TTBK2: variants seen among roughly 807,000 people sequenced by gnomAD.
The protein encoded by TTBK2 is tau-tubulin kinase 2.
In TTBK2, 28 loss-of-function variants were observed where a neutral mutation model predicts 110.8. That is an observed-to-expected ratio of 0.25 (90% confidence interval 0.19 to 0.35). The LOEUF (loss-of-function observed/expected upper bound fraction) is 0.35, where lower values mean the gene tolerates loss of function less well. Ranked by LOEUF, TTBK2 falls within the 10% of genes least tolerant of loss-of-function variation. The pLI is 1.00. For missense variants in TTBK2, 1,369 were observed against 1,500.3 expected, an observed-to-expected ratio of 0.91 and a Z score of 1.45; for synonymous variants, 532 against 527.3, an observed-to-expected ratio of 1.01 and a Z score of -0.12.
chr15:42,812,604 C>A (rs1041859408), intron 7 of TTBK2, among the ~76,000 whole-genome samples: 1 of 151,968 alleles, frequency 6.6e-6, no homozygotes, highest in African/African-American at 2.4e-5. Context: ...GTTCATTATT[C>A]AAATTTATAA....
At chr15:42,861,319 C>T (rs1488119856) in intron 3 of TTBK2, among the ~76,000 whole-genome samples, 6 of 152,130 alleles carry the variant, frequency 3.9e-5, no homozygotes, top group Non-Finnish European at 5.9e-5. Flanking sequence ...CTTATCTGCA[C>T]ATGGAACATA....
At chr15:42,765,647 G>A (rs895635646) in intron 13 of TTBK2, among the ~76,000 whole-genome samples, 3 of 152,220 alleles carry the variant, frequency 2.0e-5, no homozygotes, top group Non-Finnish European at 4.4e-5. Context: ...TTTGATTGGT[G>A]TACCTGAAAG....
Position 42,783,550 on chromosome 15 carries a change from C to G in TTBK2, c.1066G>C (p.Glu356Gln). 1 of 1,614,124 alleles carries G rather than the reference C, an allele frequency of 6.2e-7. No homozygotes were observed. The highest frequency in any genetic ancestry group is 8.5e-7 in the Non-Finnish European group (1 of 1,180,034). Residue 356 changes from glutamate to glutamine, a missense_variant, in exon 11 of 15, where the codon GAA (glutamate) becomes CAA (glutamine). Physicochemically the swap from Glu to Gln is conservative, Grantham distance 29. This residue lies in a region of TTBK2 where 1,097 missense variants were observed against 1,114.7 expected (regional missense o/e 0.98). Coordinates refer to ENST00000267890, the MANE Select transcript of TTBK2 (RefSeq NM_173500.4). The part of the protein sequence containing the change: ...VFPDEQLSDG[E>Q]NGIPVGVSPD... ...GACACACCAACAGGGATGCCATTTTCTCCATCGCTAAGCTGTTCATCTGGA... is the reference window on the plus strand; with the variant it reads ...GACACACCAACAGGGATGCCATTTTGTCCATCGCTAAGCTGTTCATCTGGA...
rs1406868451 is a variant in TTBK2 at position 42,918,560 on chromosome 15, A to G, written c.-68+1878T>C. On this transcript the variant is annotated intron_variant, in intron 1 of 14. Transcript: ENST00000267890. ...AGTGAAATTTAAATTCCATGATCAC[A>G]GCTAACTCGGATCTGTAATATTCAT... is the stretch of plus-strand genomic sequence containing the variant. 7.2e-5 allele frequency among the ~76,000 whole-genome samples: 11 copies of G among 152,328 alleles called. No individual in the cohort carries two copies. In the South Asian group the frequency reaches 2.3e-3, roughly 32 times the overall value.
At position 42,745,793 on chromosome 15, in the gene TTBK2, T is replaced by A. The variant is rs1415555384; in HGVS notation, c.*2A>T. 6.2e-7 allele frequency: 1 copy of A among 1,614,020 alleles called. No individual in the cohort carries two copies. Among genetic ancestry groups the A allele is most frequent in the Admixed American group, 1.7e-5 (1 of 60,018 alleles). ...ACCTTTCAAAGAGATGCAGCCTGGC[T>A]CCTATCTGCTGAGTTTACTGGCTGG... On this transcript the variant is annotated 3_prime_UTR_variant, in exon 15 of 15. Transcript: ENST00000267890.
At chr15:42,900,086 G>A (rs1227028990) in intron 1 of TTBK2, among the ~76,000 whole-genome samples, 7 of 151,538 alleles carry the variant, frequency 4.6e-5, no homozygotes, top group South Asian at 2.1e-4. Flanking sequence ...TCCACCGCCC[G>A]GGTTCAAGCG....
intron 2 of TTBK2, among the ~76,000 whole-genome samples, chr15:42,875,002 A>C (rs1567072472): frequency 6.6e-6 from 1 of 151,668 alleles, no homozygotes; most frequent in Non-Finnish European, 1.5e-5. Context: ...AAAAAAATTG[A>C]TACTTATGAT....
intron 7 of TTBK2, among the ~76,000 whole-genome samples, chr15:42,812,593 T>A (rs1321951097): frequency 6.6e-6 from 1 of 152,176 alleles, no homozygotes; most frequent in Non-Finnish European, 1.5e-5. Context: ...ACCAAACATA[T>A]GTTCATTATT....
intron 9 of TTBK2, chr15:42,801,716 C>T (rs749855906): frequency 1.8e-5 from 16 of 866,606 alleles, no homozygotes; most frequent in East Asian, 9.6e-5. Flanking sequence ...CTGCAGCTCC[C>T]GATCTCCTCT....
chr15:42,800,984 G>C, intron 9 of TTBK2: 1 of 759,754 alleles, frequency 1.3e-6, no homozygotes, highest in Non-Finnish European at 2.4e-6. Context: ...GGACGTTGGA[G>C]GACTCAGACA....
intron 10 of TTBK2, among the ~76,000 whole-genome samples, chr15:42,791,240 G>C (rs545790018): frequency 6.6e-6 from 1 of 151,816 alleles, no homozygotes; most frequent in East Asian, 1.9e-4. Context: ...GGCTGGTCTC[G>C]AACTCCTGAC....
intron 2 of TTBK2, among the ~76,000 whole-genome samples, chr15:42,878,007 A>T: frequency 1.4e-5 from 2 of 145,552 alleles, no homozygotes; most frequent in Non-Finnish European, 1.5e-5. Context: ...TATACTTACA[A>T]TTTTCCTTAA....
intron 9 of TTBK2, chr15:42,802,420 G>C: frequency 1.4e-6 from 1 of 731,158 alleles, no homozygotes; most frequent in Non-Finnish European, 2.5e-6. Flanking sequence ...GGAGGCAGGC[G>C]GGCCGAACCA....
chr15:42,874,479 G>A (rs1894734526), intron 2 of TTBK2, among the ~76,000 whole-genome samples: 1 of 151,416 alleles, frequency 6.6e-6, no homozygotes, highest in Non-Finnish European at 1.5e-5. Context: ...ACCACGCTTG[G>A]CTAATTTTTG....
chr15:42,785,070 T>G (rs1890347965), intron 10 of TTBK2, among the ~76,000 whole-genome samples: 1 of 152,068 alleles, frequency 6.6e-6, no homozygotes, highest in Non-Finnish European at 1.5e-5. Context: ...ATCAGCTATG[T>G]TATTTTTTTA....
intron 1 of TTBK2, among the ~76,000 whole-genome samples, chr15:42,885,344 T>C (rs201071609): frequency 2.0e-5 from 3 of 152,240 alleles, no homozygotes; most frequent in Non-Finnish European, 4.4e-5. Context: ...CAGCCCTTTT[T>C]ACTCTCCAAC....
At chr15:42,809,831 A>G (rs1226436816) in intron 9 of TTBK2, among the ~76,000 whole-genome samples, 2 of 152,222 alleles carry the variant, frequency 1.3e-5, no homozygotes, top group East Asian at 3.8e-4. Context: ...TACTATATGC[A>G]AATACATTTA....
chr15:42,821,514 A>G (rs1224295069), intron 6 of TTBK2, among the ~76,000 whole-genome samples: 1 of 152,136 alleles, frequency 6.6e-6, no homozygotes, highest in East Asian at 1.9e-4. Flanking sequence ...GATATCAAAT[A>G]TTTCCATCAC....
In TTBK2 at chr15:42,752,332, T is replaced by C; in HGVS notation, c.2914A>G (p.Lys972Glu). The C allele has an allele frequency of 6.2e-7, 1 of 1,614,252 alleles. No individual in the cohort carries two copies. Among genetic ancestry groups the C allele is most frequent in the South Asian group, 1.1e-5 (1 of 91,082 alleles). ...TTGACTAGGTCTGGCTGATAGGCTT[T>C]CTTTTGGAGGAGCTTTTCTTTTGCA... ...VSAKEKLLQK[K>E]AYQPDLVKLL... The change falls in exon 14 of 15, where the codon AAA (lysine) becomes GAA (glutamate). Residue 972 changes from lysine to glutamate, a missense_variant. Lys to Glu is a moderately conservative substitution (Grantham distance 56, BLOSUM62 1). Around this residue, in one of 4 missense-constraint regions of TTBK2, gnomAD observed 1,097 missense variants for 1,114.7 expected, o/e 0.98. Coordinates refer to ENST00000267890, the MANE Select transcript of TTBK2 (RefSeq NM_173500.4).
Sources: gnomAD v4.1 joint callset for allele counts (sites outside exome capture counted in the v4.1 genomes callset) on GRCh38, gnomAD v4.1.1 for gene constraint, gnomAD v4.1.1 regional missense constraint, MANE v1.5 for transcripts, NCBI Gene and HGNC (gene_info 2026-07-23, HGNC 2026-07-21) for gene names.